The following COL28A1 variants were observed in gnomAD, a reference collection of about 807,000 sequenced individuals.
The protein encoded by COL28A1 is collagen alpha-1(XXVIII) chain.
In COL28A1, 161 loss-of-function variants were observed where a neutral mutation model predicts 150.2. The ratio of observed to expected loss-of-function variants is 1.07; its 90% CI spans 0.94 to 1.22. COL28A1 has a LOEUF of 1.22. Ranked by LOEUF, COL28A1 falls within the 50% of genes most tolerant of loss-of-function variation. The pLI is 0.00. For missense variants in COL28A1, 1,617 were observed against 1,388.3 expected (o/e 1.16, Z -2.62); for synonymous variants, 552 against 469.7 (o/e 1.18, Z -2.26).
the COL28A1 span, among the ~76,000 whole-genome samples, chr7:7,342,905 T>C: frequency 6.6e-6 from 1 of 152,054 alleles, no homozygotes; most frequent in South Asian, 2.1e-4. Context: ...TCCTTTTTTT[T>C]ATATAACTTA....
intron 27 of COL28A1, among the ~76,000 whole-genome samples, chr7:7,390,796 T>C (rs1172594001): frequency 1.3e-5 from 2 of 152,228 alleles, no homozygotes; most frequent in African/African-American, 4.8e-5. Context: ...TTTATAGTAT[T>C]CTCTGATGGT....
chr7:7,344,864 A>G, the COL28A1 span, among the ~76,000 whole-genome samples: 5 of 152,156 alleles, frequency 3.3e-5, no homozygotes, highest in Non-Finnish European at 7.4e-5. Context: ...ACCTGTCAAT[A>G]CATCATTTAG....
intron 27 of COL28A1, among the ~76,000 whole-genome samples, chr7:7,416,210 C>T (rs533834166): frequency 9.2e-5 from 14 of 152,298 alleles, no homozygotes; most frequent in Non-Finnish European, 1.8e-4. Flanking sequence ...AGATGGGATA[C>T]GTGGCAGTTT....
intron 32 of COL28A1, among the ~76,000 whole-genome samples, chr7:7,371,361 T>C (rs190433932): frequency 1.6e-3 from 242 of 152,352 alleles, no homozygotes; most frequent in Admixed American, 3.7e-3. Context: ...ATTGAATATA[T>C]CAGATAAACA....
intron 27 of COL28A1, among the ~76,000 whole-genome samples, chr7:7,411,527 C>T (rs1466104166): frequency 2.0e-5 from 3 of 152,134 alleles, no homozygotes; most frequent in Admixed American, 1.3e-4. Context: ...AAATCAGGCT[C>T]TTTGTGCCAG....
intron 19 of COL28A1, 65 bp downstream of exon 19, chr7:7,444,353 C>T (rs910529942): frequency 6.0e-5 from 96 of 1,599,776 alleles, no homozygotes; most frequent in Non-Finnish European, 7.9e-5. Flanking sequence ...CGAGCTCCTG[C>T]AGGACCAAGA....
At chr7:7,461,697 C>A (rs1787639957) in intron 15 of COL28A1, among the ~76,000 whole-genome samples, 1 of 152,076 alleles carries the variant, frequency 6.6e-6, no homozygotes, top group African/African-American at 2.4e-5. Flanking sequence ...GATCTGGGAA[C>A]CTCTCCCTTA....
rs779424655 is a variant in COL28A1 at position 7,531,772 on chromosome 7, G to A, written c.257C>T (p.Ser86Phe). 1.9e-6 allele frequency: 3 copies of A among 1,606,590 alleles called. No homozygotes were observed. The highest frequency in any genetic ancestry group is 1.7e-5 in the Admixed American group (1 of 59,976). The change falls in exon 3 of 35, where the codon TCC becomes TTC. Residue 86 changes from serine to phenylalanine, a missense_variant. By Grantham distance (155) the Ser-to-Phe change is radical. Coordinates refer to ENST00000399429, the MANE Select transcript of COL28A1 (RefSeq NM_001037763.3). ...DKIFQLTPGR[S>F]LEYDIKLAAL... The stretch of plus-strand genomic sequence containing the variant: ...TGCCAGTTTGATGTCATATTCCAAG[G>A]AGCGACCAGGAGTCAATTGGAAAAT...
At chr7:7,398,361 T>G (rs1393521229) in intron 27 of COL28A1, among the ~76,000 whole-genome samples, 1 of 152,214 alleles carries the variant, frequency 6.6e-6, no homozygotes, top group African/African-American at 2.4e-5. Context: ...TTTTTTCTGT[T>G]TATAACGACT....
chr7:7,391,713 T>C (rs754855846), intron 27 of COL28A1, among the ~76,000 whole-genome samples: 20 of 152,122 alleles, frequency 1.3e-4, no homozygotes, highest in Non-Finnish European at 1.9e-4. Context: ...CATTGATCCC[T>C]TTACCATTAT....
chr7:7,513,398 C>G (rs1231075455), intron 8 of COL28A1, among the ~76,000 whole-genome samples: 1 of 152,180 alleles, frequency 6.6e-6, no homozygotes, highest in Non-Finnish European at 1.5e-5. Context: ...TTCCATTAAC[C>G]TGACATTTCT....
At position 7,524,268 on chromosome 7, in the gene COL28A1, T is replaced by C; in HGVS notation, c.682-19A>G. The C allele has an allele frequency of 1.5e-6, 2 of 1,295,704 alleles. No individual in the cohort carries two copies. Among genetic ancestry groups the C allele is most frequent in the South Asian group, 2.4e-5 (2 of 84,314 alleles). 80.3% of individuals were successfully genotyped at this position (1,295,704 alleles called of 1,614,324 possible). A position where few individuals can be genotyped will look rare whatever the true frequency, so the allele number is the denominator to read the frequency against. The stretch of plus-strand genomic sequence containing the variant: ...AGATATCCTACAAGGGAAAAAAGAA[T>C]GAAGCATTAACTCGATTGATAGTTC... On this transcript the variant is annotated intron_variant, in intron 3 of 34. Transcript: ENST00000399429.
At chr7:7,475,399 G>A (rs1788780107) in intron 14 of COL28A1, among the ~76,000 whole-genome samples, 1 of 152,122 alleles carries the variant, frequency 6.6e-6, no homozygotes, top group African/African-American at 2.4e-5. Flanking sequence ...ACTAGTTGGG[G>A]AATGAAATAT....
chr7:7,340,734 C>T, the COL28A1 span, among the ~76,000 whole-genome samples: 24 of 151,984 alleles, frequency 1.6e-4, no homozygotes, highest in Admixed American at 7.2e-4. Context: ...GGGGTACTTT[C>T]GGGCTCACCT....
chr7:7,388,102 A>T (rs1440939825), intron 27 of COL28A1, among the ~76,000 whole-genome samples: 1 of 151,940 alleles, frequency 6.6e-6, no homozygotes, highest in Non-Finnish European at 1.5e-5. Flanking sequence ...CACGGTGGTT[A>T]GCTGAACCCA....
At chr7:7,479,005 T>G (rs1335527276) in intron 13 of COL28A1, among the ~76,000 whole-genome samples, 1 of 152,188 alleles carries the variant, frequency 6.6e-6, no homozygotes, top group Non-Finnish European at 1.5e-5. Flanking sequence ...AGCGGTGGGC[T>G]GAAGGGCTCC....
At chr7:7,482,756 C>T (rs910969709) in intron 13 of COL28A1, among the ~76,000 whole-genome samples, 11 of 151,896 alleles carry the variant, frequency 7.2e-5, no homozygotes, top group African/African-American at 1.2e-4. Context: ...AGGTAATATA[C>T]GTTTTTTAAG....
At chr7:7,398,696 T>C (rs1782986040) in intron 27 of COL28A1, among the ~76,000 whole-genome samples, 1 of 152,204 alleles carries the variant, frequency 6.6e-6, no homozygotes, top group Admixed American at 6.5e-5. Flanking sequence ...ATTTCATGAA[T>C]GCCTCACATG....
chr7:7,411,996 C>T (rs1219313340), intron 27 of COL28A1, among the ~76,000 whole-genome samples: 1 of 152,072 alleles, frequency 6.6e-6, no homozygotes, highest in African/African-American at 2.4e-5. Flanking sequence ...TCCATCCTTC[C>T]TAGAAACAGG....
Sources: gnomAD v4.1 joint callset for allele counts (sites outside exome capture counted in the v4.1 genomes callset) on GRCh38, gnomAD v4.1.1 for gene constraint, MANE v1.5 for transcripts, NCBI Gene and HGNC (gene_info 2026-07-23, HGNC 2026-07-21) for gene names.